Variants in SOX5 observed in about 807,000 individuals in gnomAD.
The protein encoded by SOX5 is SRY-box transcription factor 5.
In SOX5, 9 loss-of-function variants were observed where a neutral mutation model predicts 92.0. The observed-to-expected ratio is 0.10, with a 90% confidence interval of 0.06 to 0.17. SOX5 has a LOEUF of 0.17. Ranked by LOEUF, SOX5 falls within the 10% of genes least tolerant of loss-of-function variation. SOX5 has a pLI of 1.00. For synonymous variants in SOX5, 344 were observed against 336.3 expected (o/e 1.02, Z -0.25); for missense variants, 642 against 944.5 (o/e 0.68, Z 4.20).
intron 4 of SOX5, among the ~76,000 whole-genome samples, chr12:24,093,353 C>G (rs2733675): frequency 1.3e-5 from 2 of 151,980 alleles, no homozygotes; most frequent in Non-Finnish European, 2.9e-5. Context: ...AACCCCGTCT[C>G]TACTAAAAAC....
At chr12:24,181,920 A>C (rs10771066) in intron 4 of SOX5, among the ~76,000 whole-genome samples, 135,913 of 152,200 alleles carry the variant, frequency 0.89, 60,825 homozygotes, top group East Asian at 0.99. Context: ...ATGCTTCCAA[A>C]CCATTTTTCA....
chr12:24,095,100 C>CACACACACACACAT (rs1452702388), intron 4 of SOX5, among the ~76,000 whole-genome samples: 2 of 97,970 alleles, frequency 2.0e-5, no homozygotes, highest in African/African-American at 6.7e-5. Context: ...AACACACACA[C>CACACACACACACAT]ACACACACAC....
chr12:24,365,051 T>C (rs1269203278), intron 2 of SOX5, among the ~76,000 whole-genome samples: 1 of 152,142 alleles, frequency 6.6e-6, no homozygotes, highest in East Asian at 1.9e-4. Context: ...CTTGGGTATA[T>C]TAAACTTGAG....
chr12:24,461,816 C>T (rs552127139), intron 1 of SOX5, among the ~76,000 whole-genome samples: 24 of 152,246 alleles, frequency 1.6e-4, no homozygotes, highest in African/African-American at 5.8e-4. Context: ...ATAATAACTA[C>T]AAATCAATTT....
At chr12:24,423,761 G>A (rs1018891108) in intron 1 of SOX5, among the ~76,000 whole-genome samples, 2 of 152,198 alleles carry the variant, frequency 1.3e-5, no homozygotes, top group Admixed American at 6.5e-5. Flanking sequence ...GGTGGTGACT[G>A]CAATGTACGG....
intron 3 of SOX5, chr12:24,227,062 TACGTAATGG>T (rs958115855): frequency 1.2e-4 from 18 of 152,238 alleles, no homozygotes; most frequent in African/African-American, 4.3e-4. Context: ...CTGCAGTTCC[TACGTAATGG>T]ACGTAATGGA....
At chr12:24,234,312 C>T (rs1200331173) in intron 3 of SOX5, among the ~76,000 whole-genome samples, 3 of 152,154 alleles carry the variant, frequency 2.0e-5, no homozygotes, top group Non-Finnish European at 4.4e-5. Context: ...ATAAACAATA[C>T]AATTTTTAAA....
At position 23,557,166 on chromosome 12, in the gene SOX5, T is replaced by C. The variant is rs1220320655; in HGVS notation, c.1488+6092A>G. ...TTTCCAAGTGCCAGACAAACAAAAC[T>C]AACCTTTACTTACAATCAGCCTATA... is the stretch of plus-strand genomic sequence containing the variant. On this transcript the variant is annotated intron_variant, in intron 11 of 14. Coordinates refer to ENST00000451604, the MANE Select transcript of SOX5 (RefSeq NM_006940.6). Among the ~76,000 whole-genome samples the C allele has an allele frequency of 3.3e-5, 5 of 152,206 alleles. No homozygotes were observed. The South Asian group carries it at 1.0e-3, about 31-fold the overall frequency.
intron 4 of SOX5, among the ~76,000 whole-genome samples, chr12:24,002,885 C>T (rs1410200591): frequency 1.6e-5 from 2 of 123,050 alleles, no homozygotes; most frequent in Non-Finnish European, 3.6e-5. Context: ...AAGAAAACTA[C>T]ATTACAAATA....
chr12:23,535,757 A>G (rs1241229207), intron 14 of SOX5, among the ~76,000 whole-genome samples: 1 of 152,204 alleles, frequency 6.6e-6, no homozygotes, highest in African/African-American at 2.4e-5. Context: ...TTAGAACAAT[A>G]TTTATTATTC....
At chr12:23,769,471 C>T (rs2094850694) in intron 3 of SOX5, among the ~76,000 whole-genome samples, 1 of 152,080 alleles carries the variant, frequency 6.6e-6, no homozygotes. Context: ...CAGCTCTTAC[C>T]TACATTAAAT....
chr12:24,307,450 A>AAAGG lies in SOX5; in HGVS notation c.-173-30142_-173-30139dup, dbSNP rs71063305. 3.8e-3 allele frequency among the ~76,000 whole-genome samples: 446 copies of AAAGG among 118,620 alleles called. 59 individuals carry two copies. The highest frequency in any genetic ancestry group is 8.9e-3 in the African/African-American group (217 of 24,400). The allele number at this position is 118,620 out of a possible 152,430, so 77.8% of individuals were successfully genotyped here. A position where few individuals can be genotyped will look rare whatever the true frequency, so the allele number is the denominator to read the frequency against. ...TTCTCATTTAGTACTGTATAGCTGG[A>AAAGG]AAGGAAGGAAGGAAGGAAGGAAGGA... On this transcript the variant is annotated intron_variant, in intron 2 of 4. Transcript: ENST00000446891.
chr12:24,535,653 G>A (rs946828154), intron 1 of SOX5, among the ~76,000 whole-genome samples: 9 of 152,148 alleles, frequency 5.9e-5, no homozygotes, highest in Non-Finnish European at 1.2e-4. Flanking sequence ...TTACAGCTGG[G>A]TAAGCGCAGT....
chr12:24,105,894 CCTGA>C (rs1946614293), intron 4 of SOX5, among the ~76,000 whole-genome samples: 2 of 152,084 alleles, frequency 1.3e-5, no homozygotes, highest in Admixed American at 6.6e-5. Flanking sequence ...ATCATTCCTC[CCTGA>C]CTGTTTTCAC....
chr12:24,123,135 C>T (rs931331751), intron 4 of SOX5, among the ~76,000 whole-genome samples: 7 of 152,238 alleles, frequency 4.6e-5, no homozygotes, highest in Non-Finnish European at 1.0e-4. Context: ...CTGATACATG[C>T]ATGATCTTCA....
chr12:24,150,087 A>G (rs1951504211), intron 4 of SOX5, among the ~76,000 whole-genome samples: 1 of 152,210 alleles, frequency 6.6e-6, no homozygotes, highest in Non-Finnish European at 1.5e-5. Context: ...GGATCCATAC[A>G]TATGTCAATA....
chr12:24,239,787 T>C (rs970752183), intron 3 of SOX5, among the ~76,000 whole-genome samples: 1 of 152,188 alleles, frequency 6.6e-6, no homozygotes, highest in Non-Finnish European at 1.5e-5. Context: ...TTAGAACCAG[T>C]ATAGGGTCTG....
chr12:24,124,545 T>A (rs1218139681), intron 4 of SOX5, among the ~76,000 whole-genome samples: 1 of 141,820 alleles, frequency 7.1e-6, no homozygotes, highest in African/African-American at 2.6e-5. Context: ...CTTGTATAAA[T>A]CACTTGAGGA....
intron 8 of SOX5, among the ~76,000 whole-genome samples, chr12:23,630,898 A>G (rs188551079): frequency 5.7e-4 from 87 of 152,168 alleles, no homozygotes; most frequent in Middle Eastern, 3.4e-3. Flanking sequence ...ATAGCTTAAA[A>G]AGATAAAATT....
Sources: allele counts gnomAD v4.1 joint callset (sites outside exome capture counted in the v4.1 genomes callset), GRCh38; gene constraint gnomAD v4.1.1; transcripts MANE v1.5; gene names NCBI Gene and HGNC (gene_info 2026-07-23, HGNC 2026-07-21).